The following SHISA9 variants were observed in gnomAD, a reference collection of about 807,000 sequenced individuals.
SHISA9 encodes the protein protein shisa-9.
In SHISA9, 13 loss-of-function variants were observed where a neutral mutation model predicts 38.0. The observed-to-expected ratio is 0.34, with a 90% CI of 0.22 to 0.54. The LOEUF is 0.54. Among genes scored for constraint, SHISA9 ranks in the 20% least tolerant of loss-of-function variants. The pLI is 0.91. For synonymous variants in SHISA9, 275 were observed against 242.0 expected, an observed-to-expected ratio of 1.14 and a Z score of -1.27; for missense variants, 538 against 575.8, an observed-to-expected ratio of 0.93 and a Z score of 0.67.
At chr16:12,958,474 G>T (rs1441530059) in intron 2 of SHISA9, among the ~76,000 whole-genome samples, 1 of 152,166 alleles carries the variant, frequency 6.6e-6, no homozygotes, top group Non-Finnish European at 1.5e-5. Context: ...GAGGAAATTT[G>T]CCCAGAGTGT....
Position 13,238,816 on chromosome 16 carries a change from TTA to T in SHISA9, c.*3409_*3410del, listed in dbSNP as rs1251195264. On this transcript the variant is annotated 3_prime_UTR_variant, in exon 5 of 5. Coordinates refer to ENST00000558583, the MANE Select transcript of SHISA9 (RefSeq NM_001145204.3). ...TTTTTTTAATGTATCCATGGAGTAT[TTA>T]TTATTATTATTATTATTATTATTAT... The T allele has an allele frequency of 8.0e-5, 1 of 12,480 alleles. No homozygotes were observed. The highest frequency in any genetic ancestry group is 1.5e-4 in the Non-Finnish European group (1 of 6,798). 0.8% of individuals were successfully genotyped at this position (12,480 alleles called of 1,614,324 possible).
At chr16:13,091,610 A>G (rs2073775918) in intron 2 of SHISA9, among the ~76,000 whole-genome samples, 1 of 152,166 alleles carries the variant, frequency 6.6e-6, no homozygotes, top group South Asian at 2.1e-4. Flanking sequence ...AAGCTTGTGC[A>G]TGTGTCACGA....
the SHISA9 span, among the ~76,000 whole-genome samples, chr16:13,273,508 C>G: frequency 6.6e-6 from 1 of 152,308 alleles, no homozygotes; most frequent in South Asian, 2.1e-4. Flanking sequence ...CTGCTGCCAT[C>G]CATGTAAGAT....
At chr16:13,069,902 C>T (rs1042643423) in intron 2 of SHISA9, among the ~76,000 whole-genome samples, 1 of 152,084 alleles carries the variant, frequency 6.6e-6, no homozygotes, top group African/African-American at 2.4e-5. Context: ...GGAATGAGTC[C>T]TCATCAGACA....
rs1393143181 is a variant in SHISA9, at chr16:13,237,974, T to C, written c.*2565T>C. ...TTAAAATGAAAACTTCCTGTCTTCA[T>C]CACAAATTTAAAAAAAATCATCAGT... On this transcript the variant is annotated 3_prime_UTR_variant, in exon 5 of 5. Transcript: ENST00000558583. 1 of 152,156 alleles carries C rather than the reference T, an allele frequency of 6.6e-6. No individual in the cohort carries two copies. Among genetic ancestry groups the C allele is most frequent in the Non-Finnish European group, 1.5e-5 (1 of 68,038 alleles). The allele number at this position is 152,156 out of a possible 1,614,324, so 9.4% of individuals were successfully genotyped here.
intron 2 of SHISA9, among the ~76,000 whole-genome samples, chr16:12,969,275 A>C (rs2072022852): frequency 6.6e-6 from 1 of 151,712 alleles, no homozygotes; most frequent in Non-Finnish European, 1.5e-5. Context: ...CCTGCCATGG[A>C]ATTTGTCACC....
the SHISA9 span, among the ~76,000 whole-genome samples, chr16:13,324,077 C>T: frequency 3.9e-5 from 6 of 152,170 alleles, no homozygotes; most frequent in African/African-American, 1.4e-4. Flanking sequence ...CTCGTGCCAT[C>T]GATGTATCTG....
At position 12,921,451 on chromosome 16, in the gene SHISA9, A is replaced by G. The variant is rs532706819; in HGVS notation, c.691+4636A>G. Among the ~76,000 whole-genome samples, 117 of 152,240 alleles carry G rather than the reference A, an allele frequency of 7.7e-4. 1 individual carries two copies. The highest frequency in any genetic ancestry group is 2.7e-3 in the African/African-American group (114 of 41,544). On this transcript the variant is annotated intron_variant, in intron 2 of 4. Coordinates refer to ENST00000558583, the MANE Select transcript of SHISA9 (RefSeq NM_001145204.3). ...GGGATGTCCTACACTTAACTTTTGA[A>G]AATATTCCCAAGTATTTTAACATAT... is the stretch of plus-strand genomic sequence containing the variant.
chr16:13,274,486 G>A, the SHISA9 span, among the ~76,000 whole-genome samples: 1 of 152,084 alleles, frequency 6.6e-6, no homozygotes, highest in African/African-American at 2.4e-5. Flanking sequence ...CACTCCTATA[G>A]TTTCGGATGC....
chr16:13,028,096 C>T (rs1257994063), intron 2 of SHISA9, among the ~76,000 whole-genome samples: 3 of 151,854 alleles, frequency 2.0e-5, no homozygotes, highest in East Asian at 1.9e-4. Flanking sequence ...AAACAACCTT[C>T]TCAGGTAATG....
At chr16:13,301,067 T>A in the SHISA9 span, among the ~76,000 whole-genome samples, 1 of 152,152 alleles carries the variant, frequency 6.6e-6, no homozygotes, top group South Asian at 2.1e-4. Context: ...AAATGCGGAT[T>A]CACCCTTCCT....
At chr16:13,407,606 G>A in the SHISA9 span, among the ~76,000 whole-genome samples, 1 of 152,158 alleles carries the variant, frequency 6.6e-6, no homozygotes, top group South Asian at 2.1e-4. Flanking sequence ...TGACAGTAGA[G>A]TGTTTCATTC....
At chr16:13,097,762 G>A (rs372098084) in intron 2 of SHISA9, among the ~76,000 whole-genome samples, 3 of 152,120 alleles carry the variant, frequency 2.0e-5, no homozygotes, top group African/African-American at 4.8e-5. Context: ...TATATAGAGT[G>A]CAGCTTAATA....
At chr16:13,012,672 CTTAG>C (rs1386301800) in intron 2 of SHISA9, among the ~76,000 whole-genome samples, 1 of 152,174 alleles carries the variant, frequency 6.6e-6, no homozygotes, top group Non-Finnish European at 1.5e-5. Flanking sequence ...GGAGGTGGGG[CTTAG>C]TTAGGGCTGC....
the SHISA9 span, chr16:13,258,251 A>G: frequency 6.6e-6 from 1 of 152,234 alleles, no homozygotes; most frequent in Non-Finnish European, 1.5e-5. Flanking sequence ...TCATACTGGT[A>G]TAAAAAATTC....
chr16:13,396,398 T>G, the SHISA9 span, among the ~76,000 whole-genome samples: 1 of 152,164 alleles, frequency 6.6e-6, no homozygotes, highest in African/African-American at 2.4e-5. Flanking sequence ...TTCCAGCTAC[T>G]GAGGAGGCTG....
intron 2 of SHISA9, among the ~76,000 whole-genome samples, chr16:13,187,328 C>CTTTTCTTTTCTTTTTTTTT (rs1450024008): frequency 4.4e-5 from 4 of 90,682 alleles, no homozygotes; most frequent in African/African-American, 1.2e-4. Flanking sequence ...CTTTTCTTTT[C>CTTTTCTTTTCTTTTTTTTT]TTTTTTTTTT....
intron 1 of SHISA9, chr16:12,910,447 G>C (rs62029745): frequency 4.8e-5 from 47 of 985,126 alleles, no homozygotes; most frequent in Non-Finnish European, 4.8e-5. Context: ...CAAATATCAG[G>C]AGACAGGTAA....
At chr16:13,431,864 C>G in the SHISA9 span, among the ~76,000 whole-genome samples, 3 of 152,134 alleles carry the variant, frequency 2.0e-5, no homozygotes, top group South Asian at 2.1e-4. Flanking sequence ...AGTTCGAGAC[C>G]AGCCTGGCCA....
Sources: allele counts gnomAD v4.1 joint callset (sites outside exome capture counted in the v4.1 genomes callset), GRCh38; gene constraint gnomAD v4.1.1; transcripts MANE v1.5; gene names NCBI Gene and HGNC (gene_info 2026-07-23, HGNC 2026-07-21).